Variants in PAX4 observed in about 807,000 individuals in gnomAD.
PAX4 encodes the protein paired box protein Pax-4.
In PAX4, 33 loss-of-function variants were observed where a neutral mutation model predicts 40.6. That is an observed-to-expected ratio of 0.81 (90% CI 0.62 to 1.09). The LOEUF (loss-of-function observed/expected upper bound fraction) is 1.09. PAX4 is among the 50% of genes least tolerant of loss of function. PAX4 has a pLI of 0.00. For synonymous variants in PAX4, 174 were observed against 170.6 expected, an observed-to-expected ratio of 1.02 and a Z score of -0.16; for missense variants, 459 against 442.5, an observed-to-expected ratio of 1.04 and a Z score of -0.33.
rs769885290 is a variant in PAX4 at position 127,610,809 on chromosome 7, A to AC, written c.*254_*255insG. ...ATGATGGACAACAGAACTACTGCTAATAAAAACAGCTTTTATTACTGCTGA... is the reference window on the plus strand; with the variant it reads ...ATGATGGACAACAGAACTACTGCTAACTAAAAACAGCTTTTATTACTGCTGA... On this transcript the variant is annotated 3_prime_UTR_variant, in exon 12 of 12. Transcript: ENST00000639438. The AC allele has an allele frequency of 4.6e-5, 68 of 1,467,128 alleles. No individual in the cohort carries two copies. The African/African-American group carries it at 8.2e-4, about 18-fold the overall frequency. The allele number at this position is 1,467,128 out of a possible 1,614,324, so 90.9% of individuals were successfully genotyped here.
chr7:127,615,674 G>T, intron 3 of PAX4, 143 bp from the exon 4 acceptor site: 3 of 1,548,732 alleles, frequency 1.9e-6, no homozygotes, highest in Non-Finnish European at 2.6e-6. Flanking sequence ...GCTGCCCCCA[G>T]GCTGTCAACG....
In PAX4 at chr7:127,611,591, G is replaced by T. The variant is rs745694136; in HGVS notation, c.857C>A (p.Ala286Glu). The T allele has an allele frequency of 6.2e-7, 1 of 1,613,902 alleles. No individual in the cohort carries two copies. Among genetic ancestry groups the T allele is most frequent in the South Asian group, 1.1e-5 (1 of 91,068 alleles). Residue 286 changes from alanine (A) to glutamate (E), a missense_variant, in exon 11 of 12, where the codon GCA (alanine) becomes GAA (glutamate). Transcript: ENST00000639438. Reference protein sequence around the residue: ...PSCYQLCWATAPERCLSDTPP... With the variant: ...PSCYQLCWATEPERCLSDTPP... ...GGTGTCACTCAGACACCTTTCTGGT[G>T]CTGTTGCCCAGCACAGCTGATAGCA...
chr7:127,615,739 ACC>A (rs1238741693), intron 3 of PAX4, 175 bp downstream of exon 3: 2 of 1,497,668 alleles, frequency 1.3e-6, no homozygotes, highest in African/African-American at 2.8e-5. Context: ...CCTTGCCCAT[ACC>A]CGCCAACTCT....
At chr7:127,614,606 C>A (rs188115583) in intron 5 of PAX4, 49 bp from the exon 6 acceptor site, 47 of 1,428,472 alleles carry the variant, frequency 3.3e-5, no homozygotes, top group East Asian at 1.2e-4. Flanking sequence ...AGACTCAGGG[C>A]TATACCCTGA....
At position 127,615,708 on chromosome 7, in the gene PAX4, G is replaced by T. The variant is rs1213991428; in HGVS notation, c.14-177C>A. On this transcript the variant is annotated intron_variant, in intron 3 of 11. Transcript: ENST00000639438. ...CGCAAGCTGCTTTCTTTGAGAGCTG[G>T]CTCACGGGTGAGTCTTTGTTCCTTG... The T allele has an allele frequency of 2.0e-6, 3 of 1,510,244 alleles. No homozygotes were observed. The Admixed American group carries it at 6.1e-5, about 30-fold the overall frequency. The allele number at this position is 1,510,244 out of a possible 1,614,324, so 93.6% of individuals were successfully genotyped here. A position where few individuals can be genotyped will look rare whatever the true frequency, so the allele number is the denominator to read the frequency against.
intron 7 of PAX4, 105 bp from the exon 8 acceptor site, chr7:127,613,637 C>A: frequency 6.4e-7 from 1 of 1,563,866 alleles, no homozygotes; most frequent in Non-Finnish European, 8.7e-7. Context: ...AACTACCTTC[C>A]TCCTCAAGGC....
chr7:127,611,394 T>A (rs76326274), intron 11 of PAX4, 141 bp downstream of exon 11: 1 of 1,545,320 alleles, frequency 6.5e-7, no homozygotes, highest in Non-Finnish European at 8.8e-7. Flanking sequence ...TCTCCGTAAT[T>A]TTGTGGACCA....
chr7:127,610,564 T>C lies in PAX4; in HGVS notation c.*500A>G, dbSNP rs538509475. On this transcript the variant is annotated 3_prime_UTR_variant, in exon 12 of 12. Transcript: ENST00000639438. ...TAATGTCAGTGTGTGTGTGTGTGTG[T>C]GTGTGTGCGCGCACGCATGCACGCA... 7.6e-4 allele frequency: 220 copies of C among 289,562 alleles called. No homozygotes were observed. The highest frequency in any genetic ancestry group is 6.9e-3 in the African/African-American group (202 of 29,152). 17.9% of individuals were successfully genotyped at this position (289,562 alleles called of 1,614,324 possible).
Position 127,611,536 on chromosome 7 carries a change from C to G in PAX4, c.912G>C (p.Trp304Cys), listed in dbSNP as rs1209830251. Reference sequence around the variant, plus strand: ...CTGAGGCCTGGCCTGAATTCTTACCCCAGCAGGGCTTGAGACAGGCTTTAG... The same window carrying G: ...CTGAGGCCTGGCCTGAATTCTTACCGCAGCAGGGCTTGAGACAGGCTTTAG... ...TPPKACLKPC[W>C]GHLPPQPNSL... is the part of the protein sequence containing the mutation. The change falls in exon 11 of 12, where the codon TGG (tryptophan) becomes TGC (cysteine). Residue 304 changes from tryptophan to cysteine, a missense_variant and splice_region_variant. Coordinates refer to ENST00000639438, the MANE Select transcript of PAX4 (RefSeq NM_001366110.1). The G allele has an allele frequency of 1.2e-6, 2 of 1,613,596 alleles. No homozygotes were observed. Among genetic ancestry groups the G allele is most frequent in the Non-Finnish European group, 1.7e-6 (2 of 1,179,868 alleles).
At chr7:127,614,435 C>CTAGA in intron 6 of PAX4, 47 bp downstream of exon 6, 1 of 1,416,494 alleles carries the variant, frequency 7.1e-7, no homozygotes, top group Non-Finnish European at 9.8e-7. Context: ...CTATAAAATG[C>CTAGA]TAGAGATTTG....
chr7:127,614,489 C>A lies in PAX4; in HGVS notation c.429G>T (p.Arg143Ser). 6.3e-7 allele frequency: 1 copy of A among 1,594,532 alleles called. No individual in the cohort carries two copies. Among genetic ancestry groups the A allele is most frequent in the Non-Finnish European group, 8.5e-7 (1 of 1,169,930 alleles). Reference sequence around the variant, plus strand: ...GACAACTCCAAGACCCACCTGGTGACCTGAGCCGTGTGCACGGTAGTCCCT... The same window carrying A: ...GACAACTCCAAGACCCACCTGGTGAACTGAGCCGTGTGCACGGTAGTCCCT... ...EDQGLPCTRL[R>S]SPAVLAPAVL... The change falls in exon 6 of 12, where the codon AGG becomes AGT. Residue 143 changes from arginine to serine, a missense_variant. By Grantham distance (110) the Arg-to-Ser change is moderately radical. Transcript: ENST00000639438.
In PAX4 at chr7:127,612,965, A is replaced by G. The variant is rs1271332012; in HGVS notation, c.715+57T>C. 3.9e-6 allele frequency: 5 copies of G among 1,277,726 alleles called. No individual in the cohort carries two copies. In the African/African-American group the frequency reaches 7.3e-5, roughly 19 times the overall value. 79.1% of individuals were successfully genotyped at this position (1,277,726 alleles called of 1,614,324 possible). A position where few individuals can be genotyped will look rare whatever the true frequency, so the allele number is the denominator to read the frequency against. On this transcript the variant is annotated intron_variant, in intron 9 of 11. Transcript: ENST00000639438. ...GATGGATGGATGGATGGATGGATGG[A>G]TGGATGGATGGATAGATGACTGAGC...
chr7:127,615,098 G>A lies in PAX4; in HGVS notation c.145-3C>T. The A allele has an allele frequency of 6.2e-7, 1 of 1,614,180 alleles. No homozygotes were observed. Among genetic ancestry groups the A allele is most frequent in the South Asian group, 1.1e-5 (1 of 91,084 alleles). ...TTGCTCACACAGCCATTAGATACCT[G>A]AGTCAGGTGAGAAGCAGGGACAGGT... On this transcript the variant is annotated splice_polypyrimidine_tract_variant and splice_region_variant and intron_variant, in intron 4 of 11. Coordinates refer to ENST00000639438, the MANE Select transcript of PAX4 (RefSeq NM_001366110.1).
Position 127,613,109 on chromosome 7 carries a change from C to A in PAX4, c.646-18G>T. On this transcript the variant is annotated intron_variant, in intron 8 of 11. Coordinates refer to ENST00000639438, the MANE Select transcript of PAX4 (RefSeq NM_001366110.1). ...AACCAGACCTGAGCGAGGACAGGGACAATGCAGCTGGCTGTACTTTATGCT... is the reference window on the plus strand; with the variant it reads ...AACCAGACCTGAGCGAGGACAGGGAAAATGCAGCTGGCTGTACTTTATGCT... 6.8e-6 allele frequency: 11 copies of A among 1,605,936 alleles called. No homozygotes were observed. The highest frequency in any genetic ancestry group is 9.4e-6 in the Non-Finnish European group (11 of 1,173,136).
chr7:127,615,379 G>A, intron 4 of PAX4, 22 bp downstream of exon 4: 2 of 1,614,052 alleles, frequency 1.2e-6, no homozygotes, highest in Middle Eastern at 1.7e-4. Context: ...CCCATCACTG[G>A]GTAAAGGTGC....
intron 11 of PAX4, 100 bp from the exon 12 acceptor site, chr7:127,611,306 T>C (rs1794621570): frequency 7.6e-7 from 1 of 1,309,704 alleles, no homozygotes; most frequent in Non-Finnish European, 1.1e-6. Context: ...CCACCCTGCA[T>C]ATACACACTT....
At chr7:127,612,653 G>C (rs1290825361) in intron 9 of PAX4, among the ~76,000 whole-genome samples, 1 of 151,544 alleles carries the variant, frequency 6.6e-6, no homozygotes, top group South Asian at 2.1e-4. Context: ...GTAGCTGGGT[G>C]GATGGGTGGG....
chr7:127,611,412 A>G, intron 11 of PAX4, 123 bp downstream of exon 11: 1 of 1,576,342 alleles, frequency 6.3e-7, no homozygotes, highest in South Asian at 1.1e-5. Flanking sequence ...CCATGCAAAG[A>G]ATGAGGAAAG....
At chr7:127,616,567 C>G (rs866676697) in intron 2 of PAX4, among the ~76,000 whole-genome samples, 2 of 152,188 alleles carry the variant, frequency 1.3e-5, no homozygotes, top group Non-Finnish European at 2.9e-5. Context: ...GGACTCAGCT[C>G]TAACCCACCA....
Sources: gnomAD v4.1 joint callset for allele counts (sites outside exome capture counted in the v4.1 genomes callset) on GRCh38, gnomAD v4.1.1 for gene constraint, MANE v1.5 for transcripts, NCBI Gene and HGNC (gene_info 2026-07-23, HGNC 2026-07-21) for gene names.